The following XCR1 variants were observed in gnomAD, a reference collection of about 807,000 sequenced individuals.
XCR1 encodes X-C motif chemokine receptor 1.
For synonymous variants in XCR1, 187 were observed against 188.5 expected (o/e 0.99, Z 0.06); for missense variants, 356 against 424.2 (o/e 0.84, Z 1.41).
chr3:46,084,721 T>C (rs972652337), intron 1 of XCR1, among the ~76,000 whole-genome samples: 2 of 152,178 alleles, frequency 1.3e-5, no homozygotes, highest in African/African-American at 4.8e-5. Context: ...ATGTACACGC[T>C]TATAAGCAAG....
rs545524596 is a variant in XCR1 at position 46,050,451 on chromosome 3, G to A, written c.-32+3469C>T. 1.2e-3 allele frequency among the ~76,000 whole-genome samples: 185 copies of A among 152,310 alleles called. 1 individual carries two copies. Among genetic ancestry groups the A allele is most frequent in the Non-Finnish European group, 1.5e-3 (103 of 68,032 alleles). ...ACTTCCTAAGTATTGGTATGGGGAA[G>A]TTGTTTGCACTTTCTCTGGAGCAAT... On this transcript the variant is annotated intron_variant, in intron 5 of 5. Coordinates refer to the XCR1 transcript ENST00000683768.
intron 1 of XCR1, among the ~76,000 whole-genome samples, chr3:46,078,082 T>C (rs994257265): frequency 6.6e-6 from 1 of 152,082 alleles, no homozygotes; most frequent in African/African-American, 2.4e-5. Context: ...GAATCTAAAA[T>C]AAAAGTTGAA....
chr3:46,035,899 G>T (rs1001066574), intron 5 of XCR1, among the ~76,000 whole-genome samples: 1 of 152,026 alleles, frequency 6.6e-6, no homozygotes, highest in African/African-American at 2.4e-5. Flanking sequence ...ATAGCAGGAT[G>T]TGCTCCTCTC....
upstream of XCR1, among the ~76,000 whole-genome samples, chr3:46,032,308 CCACTG>C (rs1432390042): frequency 6.6e-6 from 1 of 152,218 alleles, no homozygotes; most frequent in Non-Finnish European, 1.5e-5. Context: ...TCTCCGTGTA[CCACTG>C]CATTCCCTTA....
intron 3 of XCR1, among the ~76,000 whole-genome samples, chr3:46,071,483 T>C (rs969510808): frequency 2.6e-5 from 4 of 152,074 alleles, no homozygotes; most frequent in African/African-American, 7.2e-5. Context: ...ATCACCCTGA[T>C]ACTAAAGACA....
intron 4 of XCR1, among the ~76,000 whole-genome samples, chr3:46,066,595 C>G (rs1269937445): frequency 1.3e-5 from 2 of 152,144 alleles, no homozygotes; most frequent in African/African-American, 4.8e-5. Context: ...AGGTGAGGCT[C>G]CTGGCATATA....
chr3:46,028,437 TTTA>T (rs1708339850), upstream of XCR1, among the ~76,000 whole-genome samples: 2 of 151,788 alleles, frequency 1.3e-5, no homozygotes, highest in African/African-American at 4.8e-5. Flanking sequence ...TATTAGTCTT[TTTA>T]TTATTAAATT....
intron 3 of XCR1, among the ~76,000 whole-genome samples, chr3:46,070,209 T>C (rs974692036): frequency 1.3e-5 from 2 of 152,154 alleles, no homozygotes; most frequent in Non-Finnish European, 2.9e-5. Flanking sequence ...TCACAGATGA[T>C]CTATCTTGGA....
At position 46,019,193 on chromosome 3, in the gene XCR1, G is replaced by A. The variant is rs1411105929; in HGVS notation, c.*1753C>T. On this transcript the variant is annotated 3_prime_UTR_variant, in exon 2 of 2. Coordinates refer to ENST00000309285, the MANE Select transcript of XCR1 (RefSeq NM_001024644.2). ...ACTCTCTTTCTACTACTCTCTGAGA[G>A]TGTAGACTAGGAAAGAAAGGTTAAT... 2 of 152,204 alleles carry A rather than the reference G, an allele frequency of 1.3e-5. No individual in the cohort carries two copies. The highest frequency in any genetic ancestry group is 2.4e-5 in the African/African-American group (1 of 41,448). The allele number at this position is 152,204 out of a possible 1,614,324, so 9.4% of individuals were successfully genotyped here. A position where few individuals can be genotyped will look rare whatever the true frequency, so the allele number is the denominator to read the frequency against.
At chr3:46,063,626 C>T (rs72889715) in intron 4 of XCR1, among the ~76,000 whole-genome samples, 18,491 of 152,056 alleles carry the variant, frequency 0.12, 3,689 homozygotes, top group African/African-American at 0.42. Flanking sequence ...GGCAGAGCCT[C>T]GGGTGATCTG....
At chr3:46,038,565 T>A (rs1246550488) in intron 5 of XCR1, among the ~76,000 whole-genome samples, 4 of 152,210 alleles carry the variant, frequency 2.6e-5, no homozygotes, top group African/African-American at 9.6e-5. Flanking sequence ...TAACGAGTCA[T>A]CATTTGTTCT....
intron 5 of XCR1, among the ~76,000 whole-genome samples, chr3:46,043,364 C>T (rs1240433491): frequency 6.6e-6 from 1 of 151,966 alleles, no homozygotes; most frequent in African/African-American, 2.4e-5. Context: ...TTGCTTGAAC[C>T]CAGGAGGCAG....
chr3:46,040,577 A>G (rs1370093856), intron 5 of XCR1, among the ~76,000 whole-genome samples: 5 of 152,082 alleles, frequency 3.3e-5, no homozygotes, highest in Admixed American at 3.3e-4. Context: ...TGAAATTCTG[A>G]TATGTCTTAA....
rs1708140732 is a variant in XCR1, at chr3:46,021,309, G to A, written c.639C>T (p.Phe213=). Residue 213 remains phenylalanine, a synonymous_variant, in exon 2 of 2, where the codon TTC becomes TTT. Transcript: ENST00000309285. This position sits in a 1 kb window ranked among gnomAD's most constrained non-coding sequence, Gnocchi z 4.7. ...GGTGGCGCCGCTTGGAGCGTGAGCGGAACAGGGTCCTGAGGATCTCCACGT... is the reference window on the plus strand; with the variant it reads ...GGTGGCGCCGCTTGGAGCGTGAGCGAAACAGGGTCCTGAGGATCTCCACGT... The part of the protein sequence containing the change: ...FCYVEILRTL[F]RSRSKRRHRT... The A allele has an allele frequency of 1.2e-6, 2 of 1,614,212 alleles. No individual in the cohort carries two copies. Among genetic ancestry groups the A allele is most frequent in the Admixed American group, 1.7e-5 (1 of 60,028 alleles).
chr3:46,078,879 G>A (rs1575444864), intron 1 of XCR1, among the ~76,000 whole-genome samples: 1 of 151,908 alleles, frequency 6.6e-6, no homozygotes, highest in Non-Finnish European at 1.5e-5. Context: ...TATAAAGGAC[G>A]CTCGTAGGGT....
At chr3:46,025,302 G>T (rs1457813780) in intron 1 of XCR1, among the ~76,000 whole-genome samples, 1 of 152,192 alleles carries the variant, frequency 6.6e-6, no homozygotes, top group East Asian at 1.9e-4. Context: ...GCTTTGAAAG[G>T]CTGAGGCAGG....
At chr3:46,029,069 T>A (rs917885849), upstream of XCR1, among the ~76,000 whole-genome samples, 1 of 152,244 alleles carries the variant, frequency 6.6e-6, no homozygotes, top group Admixed American at 6.5e-5. Flanking sequence ...GTCAGTACCA[T>A]AGAGTTTTGA....
intron 3 of XCR1, among the ~76,000 whole-genome samples, chr3:46,073,138 T>C (rs62243872): frequency 0.049 from 7,493 of 152,114 alleles, 270 homozygotes; most frequent in Middle Eastern, 0.13. Context: ...GATTCAAGAC[T>C]TAAATATAAG....
In XCR1 at chr3:46,063,044, C is replaced by T. The variant is rs565472519; in HGVS notation, c.-183+3855G>A. On this transcript the variant is annotated intron_variant, in intron 4 of 5. Transcript: ENST00000683768. ...ACCTGGTTGTTAAAATTTACTAGCA[C>T]ACCACTGAATGGAAGGTTATCATTT... is the stretch of plus-strand genomic sequence containing the variant. Among the ~76,000 whole-genome samples the T allele has an allele frequency of 7.2e-5, 11 of 152,326 alleles. No homozygotes were observed. The South Asian group carries it at 1.2e-3, about 17-fold the overall frequency.
Sources: allele counts gnomAD v4.1 joint callset (sites outside exome capture counted in the v4.1 genomes callset), GRCh38; gene constraint gnomAD v4.1.1; non-coding constraint Gnocchi (gnomAD v3.1); transcripts MANE v1.5; gene names NCBI Gene and HGNC (gene_info 2026-07-23, HGNC 2026-07-21).